CEMIP2: variants seen among roughly 807,000 people sequenced by gnomAD.
CEMIP2 encodes cell surface hyaluronidase CEMIP2.
In CEMIP2, 79 loss-of-function variants were observed where a neutral mutation model predicts 146.9. The ratio of observed to expected loss-of-function variants is 0.54; its 90% CI spans 0.45 to 0.65. CEMIP2 has a LOEUF of 0.65. Among genes scored for constraint, CEMIP2 ranks in the 30% least tolerant of loss-of-function variants. The pLI, the probability that CEMIP2 is intolerant of heterozygous loss-of-function variation, is 0.00. For synonymous variants in CEMIP2, 601 were observed against 606.3 expected (o/e 0.99, Z 0.13); for missense variants, 1,596 against 1,696.2 (o/e 0.94, Z 1.04).
intron 12 of CEMIP2, among the ~76,000 whole-genome samples, chr9:71,718,361 A>G (rs1823130106): frequency 6.6e-6 from 1 of 152,140 alleles, no homozygotes; most frequent in African/African-American, 2.4e-5. Flanking sequence ...ATCATTTCCA[A>G]AAAAACCCAG....
chr9:71,734,893 C>T lies in CEMIP2; in HGVS notation c.1306G>A (p.Ala436Thr), dbSNP rs199689486. Residue 436 changes from alanine (A) to threonine (T), a missense_variant, in exon 6 of 24, where the codon GCA becomes ACA. By Grantham distance (58) the Ala-to-Thr change is moderately conservative. Transcript: ENST00000377044. Reference sequence around the variant, plus strand: ...TGGTACATGGAATAGTCTGTGCTTGCGACCACAATCTGGTCTCCAGGTTTC... The same window carrying T: ...TGGTACATGGAATAGTCTGTGCTTGTGACCACAATCTGGTCTCCAGGTTTC... ...SWKPGDQIVV[A>T]STDYSMYQAE... 7.4e-6 allele frequency: 12 copies of T among 1,613,874 alleles called. No individual in the cohort carries two copies. The highest frequency in any genetic ancestry group is 6.7e-5 in the Admixed American group (4 of 59,996).
chr9:71,729,905 T>C lies in CEMIP2; in HGVS notation c.1989A>G (p.Ser663=), dbSNP rs25693. The C allele has an allele frequency of 0.086, 138,321 of 1,613,786 alleles. 7,061 individuals carry two copies. The highest frequency in any genetic ancestry group is 0.19 in the South Asian group (17,447 of 91,062). Residue 663 remains serine (S), a synonymous_variant, in exon 10 of 24, where the codon TCA becomes TCG. Transcript: ENST00000377044. ...PVPATDCMAV[S]TFWIAHPNNN... ...TGTTGGGATGAGCAATCCAGAAAGT[T>C]GAAACAGCCCTGCAAGGCATTTTTC...
chr9:71,750,531 T>A, intron 1 of CEMIP2, 146 bp from the exon 2 acceptor site: 1 of 603,374 alleles, frequency 1.7e-6, no homozygotes, highest in Non-Finnish European at 2.7e-6. Flanking sequence ...CACCTCTGCC[T>A]CCCAGGTTCA....
At chr9:71,758,944 T>C (rs1824545518) in intron 1 of CEMIP2, among the ~76,000 whole-genome samples, 1 of 152,198 alleles carries the variant, frequency 6.6e-6, no homozygotes, top group African/African-American at 2.4e-5. Context: ...CTCTCAAAAA[T>C]CAGTATGAGT....
Position 71,750,242 on chromosome 9 carries a change from T to C in CEMIP2, c.132A>G (p.Gln44=). 1 of 1,614,090 alleles carries C rather than the reference T, an allele frequency of 6.2e-7. No homozygotes were observed. The highest frequency in any genetic ancestry group is 8.5e-7 in the Non-Finnish European group (1 of 1,180,010). The stretch of plus-strand genomic sequence containing the variant: ...TGATGGAGGTAAATTTGGCTGAAGC[T>C]TGACTCTTTGGAGGAGGAGGGGGAC... The part of the protein sequence containing the change: ...PLRPPPPPKS[Q]ASAKFTSIRR... Residue 44 remains glutamine, a synonymous_variant, in exon 2 of 24, where the codon CAA becomes CAG. Transcript: ENST00000377044.
At chr9:71,694,771 A>C (rs975630769) in intron 20 of CEMIP2, among the ~76,000 whole-genome samples, 164 bp from the exon 21 acceptor site, 10 of 152,224 alleles carry the variant, frequency 6.6e-5, no homozygotes, top group African/African-American at 2.2e-4. Flanking sequence ...TTCTTAACAC[A>C]GTAAGTATAT....
Position 71,717,972 on chromosome 9 carries a change from C to T in CEMIP2, c.2375G>A (p.Gly792Glu), listed in dbSNP as rs1589142542. Reference protein sequence around the residue: ...NNDNGAWVRGGDIIVQNSAFA... With the variant: ...NNDNGAWVRGEDIIVQNSAFA... Reference sequence around the variant, plus strand: ...CGCTGAATTTTGAACGATAATATCTCCTCCTCTGACCCAAGCTCCATTATC... The same window carrying T: ...CGCTGAATTTTGAACGATAATATCTTCTCCTCTGACCCAAGCTCCATTATC... Residue 792 changes from glycine (G) to glutamate (E), a missense_variant, in exon 13 of 24, where the codon GGA becomes GAA. By Grantham distance (98) the Gly-to-Glu change is moderately conservative. Transcript: ENST00000377044. 1 of 1,610,110 alleles carries T rather than the reference C, an allele frequency of 6.2e-7. No individual in the cohort carries two copies. Among genetic ancestry groups the T allele is most frequent in the East Asian group, 2.2e-5 (1 of 44,730 alleles).
intron 16 of CEMIP2, 77 bp from the exon 17 acceptor site, chr9:71,709,551 G>T: frequency 8.2e-7 from 1 of 1,217,662 alleles, no homozygotes; most frequent in Non-Finnish European, 1.2e-6. Flanking sequence ...TGACTCAACT[G>T]CAGGTCCATT....
At chr9:71,703,677 T>C (rs867568421) in intron 18 of CEMIP2, among the ~76,000 whole-genome samples, 2 of 152,128 alleles carry the variant, frequency 1.3e-5, no homozygotes, top group African/African-American at 2.4e-5. Flanking sequence ...GGTTTACCCC[T>C]CCCTTTCTAA....
chr9:71,734,833 A>C lies in CEMIP2; in HGVS notation c.1366T>G (p.Cys456Gly), dbSNP rs1202768831. The change falls in exon 6 of 24, where the codon TGC becomes GGC. Residue 456 changes from cysteine to glycine, a missense_variant. Coordinates refer to ENST00000377044, the MANE Select transcript of CEMIP2 (RefSeq NM_013390.3). ...TTGACTTTGACCTGAAAATGGCTGC[A>C]TTCAGAACAGGGAAGAAGAGTGAAC... ...EEFTLLPCSE[C>G]SHFQVKVKET... is the part of the protein sequence containing the mutation. The C allele has an allele frequency of 8.7e-6, 14 of 1,612,370 alleles. No individual in the cohort carries two copies. Among genetic ancestry groups the C allele is most frequent in the Non-Finnish European group, 1.1e-5 (13 of 1,179,166 alleles).
chr9:71,719,753 T>C (rs974853272), intron 12 of CEMIP2, among the ~76,000 whole-genome samples: 3 of 149,950 alleles, frequency 2.0e-5, no homozygotes, highest in Non-Finnish European at 4.4e-5. Flanking sequence ...TCTGGCATTG[T>C]AGTTCCTGCC....
chr9:71,728,231 C>CTCTATATA (rs1554684626), intron 10 of CEMIP2, among the ~76,000 whole-genome samples: 2 of 14,774 alleles, frequency 1.4e-4, no homozygotes, highest in Non-Finnish European at 1.3e-4. Context: ...CTCTCTCTCT[C>CTCTATATA]TATATATATA....
chr9:71,685,605 C>T, intron 23 of CEMIP2, 138 bp downstream of exon 23: 2 of 865,774 alleles, frequency 2.3e-6, no homozygotes, highest in Non-Finnish European at 3.5e-6. Context: ...TCACATTGTG[C>T]CCTTATTTAG....
chr9:71,728,413 C>T (rs1823513340), intron 10 of CEMIP2, among the ~76,000 whole-genome samples: 3 of 145,774 alleles, frequency 2.1e-5, no homozygotes, highest in African/African-American at 7.7e-5. Context: ...GCCCAGGAGG[C>T]AGAGGGTGCA....
chr9:71,685,469 G>C, intron 23 of CEMIP2, 76 bp from the exon 24 acceptor site: 2 of 1,385,532 alleles, frequency 1.4e-6, no homozygotes, highest in Non-Finnish European at 1.9e-6. Flanking sequence ...AATATAGGAG[G>C]TGAGTCGGAG....
intron 12 of CEMIP2, among the ~76,000 whole-genome samples, chr9:71,719,134 C>T (rs919003507): frequency 6.6e-6 from 1 of 151,528 alleles, no homozygotes; most frequent in African/African-American, 2.4e-5. Context: ...ACAAAACGAA[C>T]GGAAGAAAAA....
Position 71,734,983 on chromosome 9 carries a change from A to G in CEMIP2, c.1216T>C (p.Ser406Pro). The G allele has an allele frequency of 1.2e-6, 2 of 1,601,122 alleles. No homozygotes were observed. The highest frequency in any genetic ancestry group is 1.7e-6 in the Non-Finnish European group (2 of 1,175,266). Residue 406 changes from serine to proline, a missense_variant, in exon 6 of 24, where the codon TCA becomes CCA. Coordinates refer to ENST00000377044, the MANE Select transcript of CEMIP2 (RefSeq NM_013390.3). The part of the protein sequence containing the change: ...YSEWIEGVSL[S>P]GFRVEVVDGV... ...TCTACAACCTCTACCCGGAATCCTG[A>G]AAGAGAAACGCCTAAACCAAAAAAA...
At chr9:71,740,302 T>A in intron 4 of CEMIP2, 70 bp from the exon 5 acceptor site, 1 of 1,546,740 alleles carries the variant, frequency 6.5e-7, no homozygotes, top group Non-Finnish European at 8.8e-7. Flanking sequence ...ACAAAGATGT[T>A]ATTACAGAGT....
chr9:71,741,185 A>AT (rs79872255), intron 4 of CEMIP2, among the ~76,000 whole-genome samples: 3,007 of 72,154 alleles, frequency 0.042, 481 homozygotes, highest in African/African-American at 0.14. Context: ...ACTGAGTTAG[A>AT]TTTTTTTTTT....
Sources: allele counts gnomAD v4.1 joint callset (sites outside exome capture counted in the v4.1 genomes callset), GRCh38; gene constraint gnomAD v4.1.1; transcripts MANE v1.5; gene names NCBI Gene and HGNC (gene_info 2026-07-23, HGNC 2026-07-21).